NUBPL: variants seen among roughly 807,000 people sequenced by gnomAD.
NUBPL encodes the protein NUBP iron-sulfur cluster assembly factor, mitochondrial.
NUBPL carries 31 observed loss-of-function variants against 45.7 expected under a neutral mutation model. The observed-to-expected ratio is 0.68, with a 90% CI of 0.51 to 0.92. The LOEUF is 0.92. Among genes scored for constraint, NUBPL ranks in the 40% least tolerant of loss-of-function variants. NUBPL has a pLI of 0.00. For missense variants in NUBPL, 401 were observed against 398.7 expected (o/e 1.01, Z -0.05); for synonymous variants, 144 against 140.9 (o/e 1.02, Z -0.15).
intron 6 of NUBPL, among the ~76,000 whole-genome samples, chr14:31,697,441 C>T (rs2037237623): frequency 1.3e-5 from 2 of 152,184 alleles, no homozygotes; most frequent in South Asian, 4.1e-4. Context: ...TAATTACCAC[C>T]TTTACAATGT....
intron 6 of NUBPL, among the ~76,000 whole-genome samples, chr14:31,683,953 A>T (rs2139841086): frequency 1.0e-5 from 1 of 99,812 alleles, no homozygotes; most frequent in South Asian, 5.1e-4. Context: ...TAGTTTCTTT[A>T]GTTGTTCTGT....
At chr14:31,774,342 G>A (rs1384754313) in intron 6 of NUBPL, among the ~76,000 whole-genome samples, 2 of 152,226 alleles carry the variant, frequency 1.3e-5, no homozygotes, top group African/African-American at 2.4e-5. Context: ...GTGGGAAACT[G>A]CTTGTGGTAA....
intron 4 of NUBPL, among the ~76,000 whole-genome samples, chr14:31,627,222 T>G (rs2035226695): frequency 6.6e-6 from 1 of 152,140 alleles, no homozygotes; most frequent in African/African-American, 2.4e-5. Flanking sequence ...TTTCCCCGCT[T>G]TACTTTTTAA....
chr14:31,851,458 C>T (rs1415592174), intron 10 of NUBPL, among the ~76,000 whole-genome samples: 2 of 152,002 alleles, frequency 1.3e-5, no homozygotes, highest in Non-Finnish European at 2.9e-5. Flanking sequence ...CTGTTTTCTG[C>T]GTTTAGAGGT....
At position 31,827,350 on chromosome 14, in the gene NUBPL, T is replaced by TAA. The variant is rs11451016; in HGVS notation, c.693+650_693+651dup. ...ATAAAACTGTGCATTTCTACAAAGT[T>TAA]AAAAAAAAAAAAAAACTGGATGCTC... On this transcript the variant is annotated intron_variant, in intron 8 of 10. Transcript: ENST00000281081. 3.0e-3 allele frequency among the ~76,000 whole-genome samples: 421 copies of TAA among 139,486 alleles called. 1 individual carries two copies. Among genetic ancestry groups the TAA allele is most frequent in the African/African-American group, 6.6e-3 (245 of 37,160 alleles). 91.5% of individuals were successfully genotyped at this position (139,486 alleles called of 152,430 possible). A position where few individuals can be genotyped will look rare whatever the true frequency, so the allele number is the denominator to read the frequency against.
chr14:31,609,923 A>AT (rs2034705950), intron 4 of NUBPL, among the ~76,000 whole-genome samples: 2 of 152,176 alleles, frequency 1.3e-5, no homozygotes, highest in African/African-American at 2.4e-5. Flanking sequence ...CAAAAGCTGT[A>AT]CTAAGAGGGA....
chr14:31,644,991 G>A (rs2035804371), intron 4 of NUBPL, among the ~76,000 whole-genome samples: 1 of 151,588 alleles, frequency 6.6e-6, no homozygotes, highest in South Asian at 2.1e-4. Context: ...GTTTCCGATT[G>A]CATGGAATAT....
intron 6 of NUBPL, among the ~76,000 whole-genome samples, chr14:31,759,415 T>C (rs977910668): frequency 2.6e-5 from 4 of 151,996 alleles, no homozygotes; most frequent in African/African-American, 9.7e-5. Flanking sequence ...TTTTTATATT[T>C]ATTAATTTTG....
chr14:31,716,978 G>A (rs1439801275), intron 6 of NUBPL, among the ~76,000 whole-genome samples: 1 of 152,096 alleles, frequency 6.6e-6, no homozygotes, highest in Non-Finnish European at 1.5e-5. Flanking sequence ...TGGGAAAGCT[G>A]TAACAGACTC....
intron 6 of NUBPL, among the ~76,000 whole-genome samples, chr14:31,779,239 G>T (rs2039150274): frequency 6.6e-6 from 1 of 152,094 alleles, no homozygotes; most frequent in South Asian, 2.1e-4. Context: ...TATTTGGGAG[G>T]CTGAGGGAGA....
At chr14:31,651,418 G>GT (rs2036000269) in intron 4 of NUBPL, among the ~76,000 whole-genome samples, 2 of 146,832 alleles carry the variant, frequency 1.4e-5, no homozygotes, top group East Asian at 2.1e-4. Context: ...TTTATCTTAG[G>GT]TTTTTTAGCA....
intron 6 of NUBPL, among the ~76,000 whole-genome samples, chr14:31,696,508 TC>T (rs1239784936): frequency 2.0e-5 from 3 of 152,204 alleles, no homozygotes; most frequent in African/African-American, 7.2e-5. Flanking sequence ...GGTATTAACT[TC>T]CTCATCCCTG....
At chr14:31,757,745 A>G (rs2038702522) in intron 6 of NUBPL, among the ~76,000 whole-genome samples, 1 of 152,020 alleles carries the variant, frequency 6.6e-6, no homozygotes, top group Non-Finnish European at 1.5e-5. Context: ...ATGTGTTTAT[A>G]TTTCCTGTAA....
chr14:31,575,381 C>G (rs1329425327), intron 3 of NUBPL, among the ~76,000 whole-genome samples: 1 of 152,178 alleles, frequency 6.6e-6, no homozygotes, highest in African/African-American at 2.4e-5. Context: ...GGGCTTGATT[C>G]TGGCTCTGCC....
chr14:31,649,118 G>T (rs1235353540), intron 4 of NUBPL, among the ~76,000 whole-genome samples: 1 of 152,000 alleles, frequency 6.6e-6, no homozygotes, highest in Non-Finnish European at 1.5e-5. Flanking sequence ...CCCAAGTTTT[G>T]TTTTTTTACT....
chr14:31,811,425 G>A (rs1378058411), intron 7 of NUBPL, among the ~76,000 whole-genome samples: 1 of 152,058 alleles, frequency 6.6e-6, no homozygotes, highest in African/African-American at 2.4e-5. Flanking sequence ...ACTGAAGCTT[G>A]TGCATGCATC....
intron 4 of NUBPL, among the ~76,000 whole-genome samples, chr14:31,637,251 C>T (rs1431145105): frequency 6.6e-6 from 1 of 152,194 alleles, no homozygotes; most frequent in Non-Finnish European, 1.5e-5. Context: ...CCTCTACATA[C>T]TGCTTTGAAT....
intron 4 of NUBPL, among the ~76,000 whole-genome samples, chr14:31,612,618 GC>G (rs1210417127): frequency 1.3e-5 from 2 of 151,198 alleles, no homozygotes; most frequent in Non-Finnish European, 2.9e-5. Context: ...CCAAGATCGT[GC>G]CACTGCACTC....
chr14:31,600,489 C>A (rs1161684248), intron 4 of NUBPL, among the ~76,000 whole-genome samples: 2 of 152,144 alleles, frequency 1.3e-5, no homozygotes, highest in African/African-American at 4.8e-5. Flanking sequence ...CCCACGCAGA[C>A]CTGGGGAGAA....
Sources: allele counts gnomAD v4.1 joint callset (sites outside exome capture counted in the v4.1 genomes callset), GRCh38; gene constraint gnomAD v4.1.1; transcripts MANE v1.5; gene names NCBI Gene and HGNC (gene_info 2026-07-23, HGNC 2026-07-21).